Variants in BRWD1 observed in about 807,000 individuals in gnomAD.
The protein encoded by BRWD1 is bromodomain and WD repeat-containing protein 1.
In BRWD1, 82 loss-of-function variants were observed where a neutral mutation model predicts 251.2. The ratio of observed to expected loss-of-function variants is 0.33; its 90% CI spans 0.27 to 0.39. The LOEUF (loss-of-function observed/expected upper bound fraction) is 0.39, where lower values mean the gene tolerates loss of function less well. Ranked by LOEUF, BRWD1 falls within the 10% of genes least tolerant of loss-of-function variation. The pLI, the probability that BRWD1 is intolerant of heterozygous loss-of-function variation, is 1.00. For synonymous variants in BRWD1, 918 were observed against 902.8 expected, an observed-to-expected ratio of 1.02 and a Z score of -0.30; for missense variants, 2,233 against 2,711.6, an observed-to-expected ratio of 0.82 and a Z score of 3.92.
chr21:39,294,115 A>G, intron 7 of BRWD1, 83 bp from the exon 8 acceptor site: 1 of 1,112,046 alleles, frequency 9.0e-7, no homozygotes, highest in Non-Finnish European at 1.3e-6. Context: ...ATGCCATCCA[A>G]ATTAACTTTA....
At chr21:39,217,999 T>C (rs575972609) in intron 31 of BRWD1, among the ~76,000 whole-genome samples, 153 bp downstream of exon 31, 2 of 152,134 alleles carry the variant, frequency 1.3e-5, no homozygotes, top group South Asian at 2.1e-4. Flanking sequence ...CACCTACCCA[T>C]AGGCATCTAA....
At chr21:39,198,273 AGAAAT>A (rs1442592048) in intron 40 of BRWD1, among the ~76,000 whole-genome samples, 1 of 152,214 alleles carries the variant, frequency 6.6e-6, no homozygotes, top group African/African-American at 2.4e-5. Flanking sequence ...ACTTCATAAA[AGAAAT>A]GAAGACTAAA....
chr21:39,295,541 A>C (rs2146754157), intron 7 of BRWD1, among the ~76,000 whole-genome samples: 1 of 152,128 alleles, frequency 6.6e-6, no homozygotes, highest in Admixed American at 6.5e-5. Context: ...CGACTACTCT[A>C]AATCACTGTC....
chr21:39,278,882 T>C, intron 9 of BRWD1, 69 bp from the exon 10 acceptor site: 1 of 1,181,484 alleles, frequency 8.5e-7, no homozygotes, highest in Non-Finnish European at 1.2e-6. Flanking sequence ...AAAATATTAG[T>C]TTTAATCTAG....
chr21:39,312,234 G>T (rs1218233170), intron 4 of BRWD1, among the ~76,000 whole-genome samples: 2 of 152,310 alleles, frequency 1.3e-5, no homozygotes, highest in East Asian at 3.9e-4. Context: ...TTATCTACAA[G>T]ATCAGTGTGA....
In BRWD1 at chr21:39,196,537, T is replaced by C; in HGVS notation, c.6532A>G (p.Arg2178Gly). Residue 2178 changes from arginine to glycine, a missense_variant, in exon 41 of 41, where the codon AGG becomes GGG. Physicochemically the swap from Arg to Gly is moderately radical, Grantham distance 125. Transcript: ENST00000342449. ...IDCTDNTKTK[R>G]RKTKGKAKVV... ...TTTGCTTTTCCTTTCGTTTTCCTCC[T>C]TTTGGTTTTTGTATTATCAGTACAG... is the stretch of plus-strand genomic sequence containing the variant. 1 of 1,613,666 alleles carries C rather than the reference T, an allele frequency of 6.2e-7. No homozygotes were observed.
At chr21:39,268,903 G>C (rs888994957) in intron 15 of BRWD1, among the ~76,000 whole-genome samples, 25 of 152,082 alleles carry the variant, frequency 1.6e-4, no homozygotes, top group African/African-American at 5.8e-4. Context: ...CAGGAGAATA[G>C]CGTGAACCCG....
Position 39,197,276 on chromosome 21 carries a change from A to C in BRWD1, c.5793T>G (p.Cys1931Trp). 6.2e-7 allele frequency: 1 copy of C among 1,614,082 alleles called. No individual in the cohort carries two copies. The highest frequency in any genetic ancestry group is 1.1e-5 in the South Asian group (1 of 91,074). ...RTGLLRITRR[C>W]AATAANKIKL... Reference sequence around the variant, plus strand: ...TGATCTTATTGGCAGCCGTAGCTGCACATCTTCGAGTAATCCTCAGGAGAC... The same window carrying C: ...TGATCTTATTGGCAGCCGTAGCTGCCCATCTTCGAGTAATCCTCAGGAGAC... The change falls in exon 41 of 41, where the codon TGT becomes TGG. Residue 1931 changes from cysteine (C) to tryptophan (W), a missense_variant. Around this residue, in one of 12 missense-constraint regions of BRWD1, gnomAD observed 928 missense variants for 970.0 expected, o/e 0.96. Coordinates refer to ENST00000342449, the MANE Select transcript of BRWD1 (RefSeq NM_033656.4).
chr21:39,212,934 T>C (rs1176818859), intron 33 of BRWD1, among the ~76,000 whole-genome samples: 1 of 152,116 alleles, frequency 6.6e-6, no homozygotes, highest in Non-Finnish European at 1.5e-5. Context: ...ATGAACTAAT[T>C]CTAAAATTTG....
intron 21 of BRWD1, among the ~76,000 whole-genome samples, chr21:39,238,844 A>C (rs1273607525): frequency 1.3e-5 from 2 of 152,220 alleles, no homozygotes; most frequent in Non-Finnish European, 2.9e-5. Context: ...TTCTGAGTAA[A>C]GTTAATAAAA....
At chr21:39,258,291 G>T (rs978276880) in intron 18 of BRWD1, among the ~76,000 whole-genome samples, 196 bp downstream of exon 18, 1 of 152,130 alleles carries the variant, frequency 6.6e-6, no homozygotes, top group South Asian at 2.1e-4. Context: ...GGCTTCAGCA[G>T]TACTTGAAAT....
At chr21:39,216,744 C>A in intron 31 of BRWD1, 1 of 405,996 alleles carries the variant, frequency 2.5e-6, no homozygotes, top group Non-Finnish European at 4.8e-6. Context: ...AAAAGTAAAG[C>A]CTGAAGAGAC....
chr21:39,190,617 G>T lies in BRWD1; in HGVS notation c.*5642C>A. Reference sequence around the variant, plus strand: ...GCCCTTCATTGATAAGCAATGAAATGACCCCAAAACTCAGAAAGCAAATAA... The same window carrying T: ...GCCCTTCATTGATAAGCAATGAAATTACCCCAAAACTCAGAAAGCAAATAA... On this transcript the variant is annotated 3_prime_UTR_variant, in exon 41 of 41. Transcript: ENST00000342449. 1.0e-6 allele frequency: 1 copy of T among 985,310 alleles called. No individual in the cohort carries two copies. Among genetic ancestry groups the T allele is most frequent in the Non-Finnish European group, 1.2e-6 (1 of 829,886 alleles). 61.0% of individuals were successfully genotyped at this position (985,310 alleles called of 1,614,324 possible).
chr21:39,202,212 G>A (rs2032143704), intron 38 of BRWD1, 113 bp downstream of exon 38: 1 of 678,290 alleles, frequency 1.5e-6, no homozygotes, highest in Non-Finnish European at 2.4e-6. Context: ...TAAACTGTAA[G>A]TTCTTTCAGT....
rs369542280 is a variant in BRWD1, at chr21:39,235,949, A to G, written c.2766+646T>C. On this transcript the variant is annotated intron_variant, in intron 23 of 40. Transcript: ENST00000342449. Reference sequence around the variant, plus strand: ...GCCAGATCTGTGTCATGTGGTTCACAAAGGTGGCAAGAGGCTTATGGAATT... The same window carrying G: ...GCCAGATCTGTGTCATGTGGTTCACGAAGGTGGCAAGAGGCTTATGGAATT... 9 of 206,334 alleles carry G rather than the reference A, an allele frequency of 4.4e-5. No homozygotes were observed. The East Asian group carries it at 1.0e-3, about 23-fold the overall frequency. The allele number at this position is 206,334 out of a possible 1,614,324, so 12.8% of individuals were successfully genotyped here.
Position 39,190,712 on chromosome 21 carries a change from C to A in BRWD1, c.*5547G>T. On this transcript the variant is annotated 3_prime_UTR_variant, in exon 41 of 41. Transcript: ENST00000342449. Reference sequence around the variant, plus strand: ...AAACATCCCATAAACTGAAGTACCCCAATGGCTGTAGAATAAAATGGTTTC... The same window carrying A: ...AAACATCCCATAAACTGAAGTACCCAAATGGCTGTAGAATAAAATGGTTTC... 1 of 985,360 alleles carries A rather than the reference C, an allele frequency of 1.0e-6. No individual in the cohort carries two copies. Among genetic ancestry groups the A allele is most frequent in the Non-Finnish European group, 1.2e-6 (1 of 829,900 alleles). 61.0% of individuals were successfully genotyped at this position (985,360 alleles called of 1,614,324 possible). A position where few individuals can be genotyped will look rare whatever the true frequency, so the allele number is the denominator to read the frequency against.
At chr21:39,272,403 TG>T (rs1469249543) in intron 13 of BRWD1, among the ~76,000 whole-genome samples, 1 of 150,478 alleles carries the variant, frequency 6.6e-6, no homozygotes, top group Non-Finnish European at 1.5e-5. Flanking sequence ...GGCGGGCGCC[TG>T]TAGTCTCAGC....
chr21:39,229,899 C>T (rs2033541673), intron 25 of BRWD1, among the ~76,000 whole-genome samples: 1 of 152,028 alleles, frequency 6.6e-6, no homozygotes, highest in South Asian at 2.1e-4. Flanking sequence ...TGCCACCACA[C>T]CAAGCTAATT....
chr21:39,319,557 TTAAAA>T (rs1284603277), intron 1 of BRWD1, among the ~76,000 whole-genome samples: 3 of 152,240 alleles, frequency 2.0e-5, no homozygotes, highest in Admixed American at 6.5e-5. Flanking sequence ...TTAATAATCT[TTAAAA>T]TAAGCATGAC....
Sources: allele counts gnomAD v4.1 joint callset (sites outside exome capture counted in the v4.1 genomes callset), GRCh38; gene constraint gnomAD v4.1.1; regional missense constraint gnomAD v4.1.1; transcripts MANE v1.5; gene names NCBI Gene and HGNC (gene_info 2026-07-23, HGNC 2026-07-21).